The following RLIG1 variants were observed in gnomAD, a reference collection of about 807,000 sequenced individuals.
RLIG1 encodes the protein RNA ligase 1.
At chr12:88,036,611 C>T in the RLIG1 span, among the ~76,000 whole-genome samples, 962 of 152,302 alleles carry the variant, frequency 6.3e-3, 15 homozygotes, top group African/African-American at 0.022. Context: ...AGAATGAACC[C>T]TGGAATCATT....
the RLIG1 span, chr12:88,040,290 T>C: frequency 2.5e-6 from 3 of 1,209,064 alleles, no homozygotes; most frequent in East Asian, 7.5e-5. Context: ...TAATATTTAC[T>C]ACAAATATTA....
the RLIG1 span, chr12:88,035,566 T>C: frequency 1.4e-6 from 2 of 1,406,896 alleles, no homozygotes; most frequent in Non-Finnish European, 2.0e-6. Context: ...GCCGTGCGGG[T>C]GACTGCTTCA....
At chr12:88,049,254 G>A in the RLIG1 span, 1 of 1,609,764 alleles carries the variant, frequency 6.2e-7, no homozygotes, top group Non-Finnish European at 8.5e-7. Context: ...AACAGGGCTA[G>A]TTAATTCAAC....
At chr12:88,036,140 A>T in the RLIG1 span, 1 of 1,253,256 alleles carries the variant, frequency 8.0e-7, no homozygotes, top group Non-Finnish European at 1.0e-6. Flanking sequence ...ATATTAGAAG[A>T]CTTGCTTTAC....
chr12:88,043,670 C>T, the RLIG1 span: 1 of 1,613,072 alleles, frequency 6.2e-7, no homozygotes, highest in Admixed American at 1.7e-5. Flanking sequence ...GGAGACAGAA[C>T]AAATAAATGG....
chr12:88,040,204 A>C, the RLIG1 span: 4 of 1,611,212 alleles, frequency 2.5e-6, no homozygotes, highest in Non-Finnish European at 3.4e-6. Context: ...ATGCAGATAT[A>C]TACAGTGCAA....
chr12:88,045,750 T>A, the RLIG1 span: 1 of 1,613,086 alleles, frequency 6.2e-7, no homozygotes, highest in Non-Finnish European at 8.5e-7. Context: ...CTGGAACTCA[T>A]AGGAACAAAT....
At chr12:88,035,760 G>A in the RLIG1 span, 2 of 1,573,120 alleles carry the variant, frequency 1.3e-6, no homozygotes, top group South Asian at 1.2e-5. Flanking sequence ...CGCCGGGCAG[G>A]CTTGGCGGCC....
chr12:88,035,581 T>A, the RLIG1 span: 1 of 1,502,928 alleles, frequency 6.7e-7, no homozygotes, highest in Non-Finnish European at 9.1e-7. Context: ...GCTTCAGGGC[T>A]TCTCCGCGAC....
chr12:88,039,278 GCTAA>G, the RLIG1 span, among the ~76,000 whole-genome samples: 1 of 152,042 alleles, frequency 6.6e-6, no homozygotes, highest in African/African-American at 2.4e-5. Flanking sequence ...CCACATCCTT[GCTAA>G]GACTCCTTAT....
the RLIG1 span, chr12:88,036,074 G>A: frequency 1.4e-6 from 2 of 1,382,304 alleles, no homozygotes; most frequent in Admixed American, 2.2e-5. Flanking sequence ...CCCTAATCAG[G>A]TAATTGCCAC....
At chr12:88,048,141 C>G in the RLIG1 span, 1 of 933,820 alleles carries the variant, frequency 1.1e-6, no homozygotes, top group Non-Finnish European at 1.5e-6. Flanking sequence ...GGAGTCTTAC[C>G]CAGTACCTGG....
chr12:88,036,201 T>C, the RLIG1 span: 1 of 602,518 alleles, frequency 1.7e-6, no homozygotes, highest in Non-Finnish European at 2.5e-6. Flanking sequence ...ATTAGGTCAC[T>C]GAAGTTCACA....
the RLIG1 span, among the ~76,000 whole-genome samples, chr12:88,043,189 G>A: frequency 6.6e-6 from 1 of 151,754 alleles, no homozygotes; most frequent in Non-Finnish European, 1.5e-5. Flanking sequence ...AGACAAATAC[G>A]TAATTTTATA....
chr12:88,041,030 C>T, the RLIG1 span, among the ~76,000 whole-genome samples: 3 of 152,066 alleles, frequency 2.0e-5, no homozygotes, highest in Non-Finnish European at 4.4e-5. Flanking sequence ...CATTGTTGTG[C>T]TACTATCATC....
chr12:88,047,118 C>T, the RLIG1 span: 1 of 818,518 alleles, frequency 1.2e-6, no homozygotes, highest in South Asian at 1.9e-5. Context: ...CCATGTACCA[C>T]CATTTTTTAA....
chr12:88,047,618 A>G, the RLIG1 span, among the ~76,000 whole-genome samples: 3 of 152,090 alleles, frequency 2.0e-5, no homozygotes, highest in Non-Finnish European at 2.9e-5. Context: ...TGCTTTAACT[A>G]TCATATCACC....
the RLIG1 span, chr12:88,049,559 T>C: frequency 8.4e-6 from 5 of 596,650 alleles, no homozygotes; most frequent in East Asian, 1.2e-4. Context: ...TTAAGATTTT[T>C]CTTTGTTCCA....
the RLIG1 span, chr12:88,035,857 C>A: frequency 5.3e-6 from 8 of 1,522,662 alleles, no homozygotes; most frequent in Middle Eastern, 1.8e-4. Flanking sequence ...AGGCCAGGAA[C>A]CTCTGTAGGT....
Sources: gnomAD v4.1 joint callset for allele counts (sites outside exome capture counted in the v4.1 genomes callset) on GRCh38, gnomAD v4.1.1 for gene constraint, MANE v1.5 for transcripts, NCBI Gene and HGNC (gene_info 2026-07-23, HGNC 2026-07-21) for gene names.